The following ANKRD28 variants were observed in gnomAD, a reference collection of about 807,000 sequenced individuals.
ANKRD28 encodes serine/threonine-protein phosphatase 6 regulatory ankyrin repeat subunit A.
In ANKRD28, 44 loss-of-function variants were observed where a neutral mutation model predicts 126.5. The observed-to-expected ratio is 0.35, with a 90% confidence interval of 0.27 to 0.45. The LOEUF is 0.45. Ranked by LOEUF, ANKRD28 falls within the 20% of genes least tolerant of loss-of-function variation. ANKRD28 has a pLI of 1.00. For synonymous variants in ANKRD28, 442 were observed against 468.5 expected (o/e 0.94, Z 0.73); for missense variants, 1,110 against 1,316.6 (o/e 0.84, Z 2.43).
At chr3:15,783,158 A>C (rs1214542876) in intron 2 of ANKRD28, among the ~76,000 whole-genome samples, 1 of 152,050 alleles carries the variant, frequency 6.6e-6, no homozygotes, top group Non-Finnish European at 1.5e-5. Context: ...CCACAGATCG[A>C]GGATTTGTTT....
intron 7 of ANKRD28, among the ~76,000 whole-genome samples, chr3:15,721,730 C>T (rs2073753615): frequency 6.6e-6 from 1 of 152,002 alleles, no homozygotes; most frequent in Admixed American, 6.6e-5. Flanking sequence ...AGAAACAATT[C>T]ATGTAATTAA....
At chr3:15,805,933 G>A (rs189465869) in intron 1 of ANKRD28, among the ~76,000 whole-genome samples, 2 of 152,018 alleles carry the variant, frequency 1.3e-5, no homozygotes, top group East Asian at 1.9e-4. Context: ...CATCACTTCC[G>A]TTTCAAAGTG....
upstream of ANKRD28, among the ~76,000 whole-genome samples, chr3:15,802,835 T>C (rs1049826530): frequency 2.6e-5 from 4 of 152,174 alleles, no homozygotes; most frequent in Non-Finnish European, 5.9e-5. Flanking sequence ...ATTCACCTAG[T>C]ATACATTCAT....
chr3:15,801,944 A>G (rs1377378821), upstream of ANKRD28, among the ~76,000 whole-genome samples: 3 of 152,200 alleles, frequency 2.0e-5, no homozygotes, highest in East Asian at 5.8e-4. The surrounding 1 kb of genome is among the most constrained non-coding windows in gnomAD (Gnocchi z 4.9). Flanking sequence ...CATTCGTAAT[A>G]ATAAATTGTT....
chr3:15,776,808 A>G (rs1316547350), intron 2 of ANKRD28, among the ~76,000 whole-genome samples: 1 of 152,248 alleles, frequency 6.6e-6, no homozygotes, highest in Non-Finnish European at 1.5e-5. Context: ...TGGTTATGAA[A>G]GTGTAACCAT....
chr3:15,791,550 T>C (rs1243125882), intron 2 of ANKRD28, among the ~76,000 whole-genome samples: 1 of 152,142 alleles, frequency 6.6e-6, no homozygotes, highest in Non-Finnish European at 1.5e-5. Flanking sequence ...GCTGGGAAAC[T>C]GGATAAACAC....
intron 1 of ANKRD28, among the ~76,000 whole-genome samples, chr3:15,844,251 A>G (rs2061484528): frequency 6.6e-6 from 1 of 152,170 alleles, no homozygotes; most frequent in African/African-American, 2.4e-5. Context: ...TACCGGTAGT[A>G]AAAACTGTCC....
At chr3:15,729,255 C>G (rs775992587) in intron 6 of ANKRD28, among the ~76,000 whole-genome samples, 6 of 152,168 alleles carry the variant, frequency 3.9e-5, no homozygotes, top group Non-Finnish European at 8.8e-5. Flanking sequence ...GTGTTTTCTC[C>G]TTCTCCCACA....
chr3:15,785,968 A>G (rs1279726428), intron 2 of ANKRD28, among the ~76,000 whole-genome samples: 4 of 152,102 alleles, frequency 2.6e-5, no homozygotes, highest in East Asian at 1.9e-4. Flanking sequence ...GATTCCAACT[A>G]TATGACATTT....
chr3:15,677,959 A>C (rs757494614), intron 24 of ANKRD28, among the ~76,000 whole-genome samples: 2 of 152,188 alleles, frequency 1.3e-5, no homozygotes, highest in Non-Finnish European at 2.9e-5. Context: ...ACTCACATTC[A>C]GGCAATCCAA....
At chr3:15,722,331 A>G (rs2073818545) in intron 7 of ANKRD28, among the ~76,000 whole-genome samples, 1 of 152,208 alleles carries the variant, frequency 6.6e-6, no homozygotes, top group Non-Finnish European at 1.5e-5. Context: ...CTTGTTGGAA[A>G]TACTTCATTC....
At chr3:15,711,794 C>G (rs922047250) in intron 11 of ANKRD28, among the ~76,000 whole-genome samples, 3 of 151,896 alleles carry the variant, frequency 2.0e-5, no homozygotes, top group African/African-American at 7.3e-5. Context: ...TCAAGCGATT[C>G]TCCTGCCTCA....
At chr3:15,787,295 G>A (rs547203637) in intron 2 of ANKRD28, among the ~76,000 whole-genome samples, 1 of 152,120 alleles carries the variant, frequency 6.6e-6, no homozygotes, top group South Asian at 2.1e-4. Flanking sequence ...CTTTGTTTCA[G>A]GACCATCAGA....
Position 15,750,243 on chromosome 3 carries a change from C to T in ANKRD28, c.351+1507G>A, listed in dbSNP as rs116002978. On this transcript the variant is annotated intron_variant, in intron 4 of 27. Transcript: ENST00000683139. Reference sequence around the variant, plus strand: ...ATCCCAAGAATCTTAAAACAAAATGCGTAGGTATGGCTAACATTAATATGT... The same window carrying T: ...ATCCCAAGAATCTTAAAACAAAATGTGTAGGTATGGCTAACATTAATATGT... Among the ~76,000 whole-genome samples, 645 of 152,232 alleles carry T rather than the reference C, an allele frequency of 4.2e-3. 4 individuals are homozygous for T. The highest frequency in any genetic ancestry group is 0.019 in the East Asian group (98 of 5,188).
rs1284618383 is a variant in ANKRD28, at chr3:15,668,619, T to C, written c.*1651A>G. 1.3e-5 allele frequency: 2 copies of C among 152,692 alleles called. No homozygotes were observed. Among genetic ancestry groups the C allele is most frequent in the East Asian group, 3.9e-4 (2 of 5,182 alleles). The allele number at this position is 152,692 out of a possible 1,614,324, so 9.5% of individuals were successfully genotyped here. Reference sequence around the variant, plus strand: ...CATTATTCATTAAATACAACTCACATCTGTGTTTTATTATACTCTAAAATA... The same window carrying C: ...CATTATTCATTAAATACAACTCACACCTGTGTTTTATTATACTCTAAAATA... On this transcript the variant is annotated 3_prime_UTR_variant, in exon 28 of 28. Coordinates refer to ENST00000683139, the MANE Select transcript of ANKRD28 (RefSeq NM_001349278.2).
intron 1 of ANKRD28, among the ~76,000 whole-genome samples, chr3:15,831,428 T>C (rs1036769795): frequency 1.3e-5 from 2 of 152,178 alleles, no homozygotes; most frequent in Non-Finnish European, 1.5e-5. Flanking sequence ...AAATGATTCT[T>C]TGTTATAGAG....
intron 14 of ANKRD28, among the ~76,000 whole-genome samples, chr3:15,707,047 A>T (rs1369634215): frequency 6.6e-6 from 1 of 152,240 alleles, no homozygotes; most frequent in Non-Finnish European, 1.5e-5. Flanking sequence ...TGAAGAATCA[A>T]ATTATGCTTC....
intron 1 of ANKRD28, among the ~76,000 whole-genome samples, chr3:15,835,678 A>G (rs2061310433): frequency 6.6e-6 from 1 of 152,212 alleles, no homozygotes; most frequent in African/African-American, 2.4e-5. Flanking sequence ...TCCCAGCCTC[A>G]TCTTGTGCCA....
chr3:15,854,068 CA>C lies in ANKRD28; in HGVS notation c.27+5308del, dbSNP rs1218689437. 6.6e-6 allele frequency among the ~76,000 whole-genome samples: 1 copy of C among 152,150 alleles called. No homozygotes were observed. On this transcript the variant is annotated intron_variant, in intron 1 of 27. Coordinates refer to the ANKRD28 transcript ENST00000399451. The surrounding 1 kb of genome is among the most constrained non-coding windows in gnomAD (Gnocchi z 4.1). ...GTCTGCCTTTTGTAATCTACTCTTC[CA>C]AAACCTGTAATGGTTATCTAACTTT...
Sources: gnomAD v4.1 joint callset for allele counts (sites outside exome capture counted in the v4.1 genomes callset) on GRCh38, gnomAD v4.1.1 for gene constraint, Gnocchi (gnomAD v3.1) non-coding constraint, MANE v1.5 for transcripts, NCBI Gene and HGNC (gene_info 2026-07-23, HGNC 2026-07-21) for gene names.